Variants in SFXN1 observed in about 807,000 individuals in gnomAD.
SFXN1 encodes sideroflexin 1.
SFXN1 carries 32 observed loss-of-function variants against 39.5 expected under a neutral mutation model. That is an observed-to-expected ratio of 0.81 (90% confidence interval 0.61 to 1.09). The LOEUF (loss-of-function observed/expected upper bound fraction) is 1.09. Among genes scored for constraint, SFXN1 ranks in the 50% least tolerant of loss-of-function variants. SFXN1 has a pLI of 0.00. For missense variants in SFXN1, 402 were observed against 407.1 expected, an observed-to-expected ratio of 0.99 and a Z score of 0.11; for synonymous variants, 136 against 146.5, an observed-to-expected ratio of 0.93 and a Z score of 0.52.
intron 1 of SFXN1, among the ~76,000 whole-genome samples, chr5:175,491,264 T>TA (rs1207393248): frequency 2.8e-4 from 43 of 152,298 alleles, no homozygotes; most frequent in African/African-American, 9.6e-4. Context: ...ACTTAATTTT[T>TA]AATTTTTGAT....
At chr5:175,526,303 T>C (rs549331271) in intron 10 of SFXN1, among the ~76,000 whole-genome samples, 102 of 152,292 alleles carry the variant, frequency 6.7e-4, no homozygotes, top group Non-Finnish European at 1.3e-3. Flanking sequence ...ACGTTTTTCT[T>C]AGGAAGTGGC....
rs1402816868 is a variant in SFXN1, at chr5:175,511,416, C to T, written c.435-35C>T. 3 of 1,556,470 alleles carry T rather than the reference C, an allele frequency of 1.9e-6. No homozygotes were observed. In the African/African-American group the frequency reaches 4.1e-5, roughly 21 times the overall value. ...TTGCACCAGAGTTTCCTGACATGCCCTCGTCGTCCACACGATATCCTTTTT... is the reference window on the plus strand; with the variant it reads ...TTGCACCAGAGTTTCCTGACATGCCTTCGTCGTCCACACGATATCCTTTTT... On this transcript the variant is annotated intron_variant, in intron 4 of 10. Coordinates refer to ENST00000321442, the MANE Select transcript of SFXN1 (RefSeq NM_022754.7).
intron 1 of SFXN1, among the ~76,000 whole-genome samples, chr5:175,489,752 C>G (rs755303631): frequency 6.6e-6 from 1 of 152,140 alleles, no homozygotes; most frequent in Non-Finnish European, 1.5e-5. Flanking sequence ...CTTCTAGAGA[C>G]TCTGATCCAG....
At position 175,494,793 on chromosome 5, in the gene SFXN1, A is replaced by G. The variant is rs185364806; in HGVS notation, c.164+2526A>G. On this transcript the variant is annotated intron_variant, in intron 2 of 10. Coordinates refer to ENST00000321442, the MANE Select transcript of SFXN1 (RefSeq NM_022754.7). ...AAAAATATGTAAAATATGCAAGTGC[A>G]TCAAACATAAACTCTTCATAAACCC... Among the ~76,000 whole-genome samples, 585 of 152,246 alleles carry G rather than the reference A, an allele frequency of 3.8e-3. 7 individuals are homozygous for G. The highest frequency in any genetic ancestry group is 0.013 in the African/African-American group (540 of 41,544).
chr5:175,508,327 G>A (rs1328237911), intron 2 of SFXN1, among the ~76,000 whole-genome samples: 1 of 143,020 alleles, frequency 7.0e-6, no homozygotes, highest in Admixed American at 7.5e-5. Context: ...CCGGGCTCAA[G>A]TGATCCTCTT....
At chr5:175,496,820 C>T (rs1176793068) in intron 2 of SFXN1, among the ~76,000 whole-genome samples, 1 of 151,800 alleles carries the variant, frequency 6.6e-6, no homozygotes. Context: ...CCCTTAAAGT[C>T]TGGGTGATAA....
intron 3 of SFXN1, chr5:175,509,519 T>G (rs1760438019): frequency 6.0e-6 from 1 of 167,114 alleles, no homozygotes. Flanking sequence ...CTGGGACTCT[T>G]TTTTTTTTTA....
chr5:175,509,394 A>T, intron 3 of SFXN1, 192 bp downstream of exon 3: 1 of 408,776 alleles, frequency 2.4e-6, no homozygotes, highest in African/African-American at 2.1e-5. Flanking sequence ...CTCCTTTAGT[A>T]TATACAATAA....
Position 175,505,406 on chromosome 5 carries a change from G to A in SFXN1, c.165-3626G>A, listed in dbSNP as rs751829613. ...AAAAAAAAAAGCTGAATGTGGTGGC[G>A]GGTGCCTGTAATCCCAGTTACCCAG... On this transcript the variant is annotated intron_variant, in intron 2 of 10. Coordinates refer to ENST00000321442, the MANE Select transcript of SFXN1 (RefSeq NM_022754.7). 1.1e-4 allele frequency among the ~76,000 whole-genome samples: 16 copies of A among 151,662 alleles called. 1 individual carries two copies. In the South Asian group the frequency reaches 1.7e-3, roughly 16 times the overall value.
chr5:175,522,451 C>T (rs1486297613), intron 10 of SFXN1, 29 bp downstream of exon 10: 4 of 1,606,822 alleles, frequency 2.5e-6, no homozygotes, highest in Non-Finnish European at 3.4e-6. Flanking sequence ...TCAGAATCAT[C>T]ATGAGTATTA....
chr5:175,508,682 G>A (rs1760400855), intron 2 of SFXN1, among the ~76,000 whole-genome samples: 1 of 151,932 alleles, frequency 6.6e-6, no homozygotes, highest in African/African-American at 2.4e-5. Flanking sequence ...TTTGTCACCA[G>A]GCTGGAGTGC....
intron 2 of SFXN1, 190 bp downstream of exon 2, chr5:175,492,457 A>AT: frequency 2.0e-6 from 1 of 496,226 alleles, no homozygotes. Context: ...CTTAACACAG[A>AT]TATCTAGGGT....
chr5:175,524,918 TG>T (rs1761013684), intron 10 of SFXN1, among the ~76,000 whole-genome samples: 1 of 152,140 alleles, frequency 6.6e-6, no homozygotes, highest in South Asian at 2.1e-4. Flanking sequence ...GACAAATTTC[TG>T]GAAAAAATAT....
At chr5:175,499,148 G>A (rs575685228) in intron 2 of SFXN1, among the ~76,000 whole-genome samples, 4 of 152,134 alleles carry the variant, frequency 2.6e-5, no homozygotes, top group African/African-American at 9.6e-5. Context: ...CCAGCTACTC[G>A]GGAGGCTGAG....
chr5:175,500,844 G>A (rs993335493), intron 2 of SFXN1, among the ~76,000 whole-genome samples: 1 of 152,140 alleles, frequency 6.6e-6, no homozygotes, highest in South Asian at 2.1e-4. Context: ...CTGATTTTAT[G>A]TAAAGGAGCC....
At chr5:175,512,090 T>C (rs1406658611) in intron 5 of SFXN1, 21 bp from the exon 6 acceptor site, 11 of 1,607,796 alleles carry the variant, frequency 6.8e-6, no homozygotes, top group Non-Finnish European at 9.4e-6. Flanking sequence ...GATAAAGCTC[T>C]TGAAATTTTC....
chr5:175,491,035 C>T (rs113471302), intron 1 of SFXN1, among the ~76,000 whole-genome samples: 398 of 152,122 alleles, frequency 2.6e-3, no homozygotes, highest in African/African-American at 8.9e-3. Context: ...TTGTATTTTT[C>T]GGAATACCAC....
chr5:175,517,510 A>G (rs1380306520), intron 8 of SFXN1, among the ~76,000 whole-genome samples: 1 of 152,114 alleles, frequency 6.6e-6, no homozygotes, highest in Non-Finnish European at 1.5e-5. Context: ...GCCTGGTTGT[A>G]GGTGTACTCC....
intron 1 of SFXN1, among the ~76,000 whole-genome samples, chr5:175,485,446 T>C (rs925188351): frequency 1.3e-5 from 2 of 152,166 alleles, no homozygotes; most frequent in African/African-American, 4.8e-5. Flanking sequence ...AACCTCTGCT[T>C]GTTCCCACAT....
Sources: allele counts gnomAD v4.1 joint callset (sites outside exome capture counted in the v4.1 genomes callset), GRCh38; gene constraint gnomAD v4.1.1; transcripts MANE v1.5; gene names NCBI Gene and HGNC (gene_info 2026-07-23, HGNC 2026-07-21).